FAH: variants seen among roughly 807,000 people sequenced by gnomAD.
FAH encodes the protein fumarylacetoacetate hydrolase, also known as fumarylacetoacetase.
A neutral mutation model predicts 55.8 loss-of-function variants in FAH; 47 were observed. The ratio of observed to expected loss-of-function variants is 0.84; its 90% CI spans 0.67 to 1.07. FAH has a LOEUF of 1.07. Among genes scored for constraint, FAH ranks in the 50% least tolerant of loss-of-function variants. The pLI is 0.00. For missense variants in FAH, 495 were observed against 545.9 expected (o/e 0.91, Z 0.93); for synonymous variants, 199 against 207.7 (o/e 0.96, Z 0.36).
At chr15:80,168,963 A>G (rs1487770688) in intron 7 of FAH, among the ~76,000 whole-genome samples, 1 of 152,244 alleles carries the variant, frequency 6.6e-6, no homozygotes, top group African/African-American at 2.4e-5. Flanking sequence ...AAAACAGGCT[A>G]TATAGTTAGG....
chr15:80,167,120 A>T (rs2041198730), intron 5 of FAH: 1 of 150,538 alleles, frequency 6.6e-6, no homozygotes, highest in South Asian at 2.1e-4. Context: ...ATCCATCTGG[A>T]TTTCCTTTTA....
At chr15:80,185,325 G>A (rs947723684) in intron 13 of FAH, among the ~76,000 whole-genome samples, 4 of 152,190 alleles carry the variant, frequency 2.6e-5, no homozygotes, top group Non-Finnish European at 5.9e-5. Flanking sequence ...CAGCAGTCCT[G>A]TGCGGTGGGC....
intron 1 of FAH, chr15:80,156,122 T>C: frequency 3.5e-6 from 1 of 287,562 alleles, no homozygotes; most frequent in Non-Finnish European, 6.8e-6. Flanking sequence ...CCTTTTGCGG[T>C]CTGCTAAGTA....
chr15:80,172,954 G>T lies in FAH; in HGVS notation c.707-60G>T, dbSNP rs1160397646. The stretch of plus-strand genomic sequence containing the variant: ...TGCTCCTTGGTCAAGGGCAGGAGGG[G>T]GTCGTTGGGAGATGCCCTGATCAGC... On this transcript the variant is annotated intron_variant, in intron 8 of 13. Coordinates refer to ENST00000561421, the MANE Select transcript of FAH (RefSeq NM_000137.4). 4 of 1,612,804 alleles carry T rather than the reference G, an allele frequency of 2.5e-6. No individual in the cohort carries two copies. The Admixed American group carries it at 6.7e-5, about 27-fold the overall frequency.
chr15:80,160,184 G>A lies in FAH; in HGVS notation c.315-226G>A, dbSNP rs1162569370. 16 of 644,804 alleles carry A rather than the reference G, an allele frequency of 2.5e-5. 1 individual carries two copies. Among genetic ancestry groups the A allele is most frequent in the Middle Eastern group, 4.1e-4 (1 of 2,422 alleles). The allele number at this position is 644,804 out of a possible 1,614,324, so 39.9% of individuals were successfully genotyped here. A position where few individuals can be genotyped will look rare whatever the true frequency, so the allele number is the denominator to read the frequency against. ...CATCTGGTTTCTAGAGTAGGAAAGA[G>A]TTTCCACTTGTCTAGTCCCATTTCC... On this transcript the variant is annotated intron_variant, in intron 3 of 13. Transcript: ENST00000561421.
chr15:80,174,155 G>A (rs139511839), intron 9 of FAH, among the ~76,000 whole-genome samples: 31 of 152,124 alleles, frequency 2.0e-4, no homozygotes, highest in African/African-American at 1.7e-4. Context: ...ATTTTCAGTC[G>A]CCAGGACTTG....
intron 5 of FAH, among the ~76,000 whole-genome samples, chr15:80,164,301 A>C (rs752665597): frequency 1.3e-5 from 2 of 151,942 alleles, no homozygotes; most frequent in Non-Finnish European, 2.9e-5. Flanking sequence ...TATCACTCCA[A>C]CCACTTGCTT....
At position 80,186,143 on chromosome 15, in the gene FAH, G is replaced by A. The variant is rs780323996; in HGVS notation, c.1194G>A (p.Gly398=). The A allele has an allele frequency of 8.7e-6, 14 of 1,614,002 alleles. No individual in the cohort carries two copies. The highest frequency in any genetic ancestry group is 1.2e-5 in the Non-Finnish European group (14 of 1,179,958). Reference sequence around the variant, plus strand: ...CCTCTGTTCCAGGGTACTGCCAGGGGGATGGTTACCGCATCGGCTTTGGCC... The same window carrying A: ...CCTCTGTTCCAGGGTACTGCCAGGGAGATGGTTACCGCATCGGCTTTGGCC... The part of the protein sequence containing the change: ...DEVIITGYCQ[G]DGYRIGFGQC... Residue 398 remains glycine (G), a synonymous_variant, in exon 14 of 14, where the codon GGG becomes GGA. Transcript: ENST00000561421.
chr15:80,179,826 G>A (rs1304788117), intron 11 of FAH, among the ~76,000 whole-genome samples: 1 of 152,208 alleles, frequency 6.6e-6, no homozygotes, highest in Non-Finnish European at 1.5e-5. Flanking sequence ...GAGCAGTAAG[G>A]TCAGCCCTTA....
chr15:80,178,721 C>T (rs2041305011), intron 11 of FAH, among the ~76,000 whole-genome samples: 1 of 151,744 alleles, frequency 6.6e-6, no homozygotes, highest in African/African-American at 2.4e-5. Flanking sequence ...GTAGCTGGGA[C>T]TACAGGTGCC....
At position 80,160,350 on chromosome 15, in the gene FAH, G is replaced by A. The variant is rs557087698; in HGVS notation, c.315-60G>A. On this transcript the variant is annotated intron_variant, in intron 3 of 13. Transcript: ENST00000561421. The stretch of plus-strand genomic sequence containing the variant: ...CTTGGGGATGGTCTGGGCTGAGCCC[G>A]TGGGTGGGACCGCGCTTTGCTGCCT... The A allele has an allele frequency of 2.1e-4, 323 of 1,550,142 alleles. 1 individual carries two copies. The highest frequency in any genetic ancestry group is 1.2e-3 in the African/African-American group (85 of 73,776).
Position 80,164,140 on chromosome 15 carries a change from C to T in FAH, c.455+1804C>T, listed in dbSNP as rs529087406. ...ACACAAATATATTCTCTTCTAGTTC[C>T]GGAGGCCAGAAGTCAAAAATCAGTC... is the stretch of plus-strand genomic sequence containing the variant. On this transcript the variant is annotated intron_variant, in intron 5 of 13. Coordinates refer to ENST00000561421, the MANE Select transcript of FAH (RefSeq NM_000137.4). 1.2e-4 allele frequency among the ~76,000 whole-genome samples: 18 copies of T among 152,316 alleles called. No homozygotes were observed. The East Asian group carries it at 3.3e-3, about 28-fold the overall frequency.
chr15:80,153,184 AG>A, intron 1 of FAH, 49 bp downstream of exon 1: 1 of 1,025,238 alleles, frequency 9.8e-7, no homozygotes, highest in Non-Finnish European at 1.4e-6. Context: ...AGTGGAGTGG[AG>A]TGGAGTGGAG....
At chr15:80,160,613 T>A in intron 4 of FAH, 154 bp downstream of exon 4, 1 of 744,094 alleles carries the variant, frequency 1.3e-6, no homozygotes, top group Non-Finnish European at 2.4e-6. Flanking sequence ...TCCTCATCAC[T>A]GACCTTTCCC....
intron 9 of FAH, among the ~76,000 whole-genome samples, chr15:80,174,679 C>T (rs963565643): frequency 1.3e-5 from 2 of 152,196 alleles, no homozygotes; most frequent in African/African-American, 4.8e-5. Context: ...CCTTTCCTCA[C>T]AGGCCAGGCT....
At chr15:80,153,817 G>T (rs112329706) in intron 1 of FAH, among the ~76,000 whole-genome samples, 88 of 152,268 alleles carry the variant, frequency 5.8e-4, no homozygotes, top group Admixed American at 1.8e-3. Context: ...ATAATAAGAG[G>T]TTCCCTAGGT....
At position 80,173,108 on chromosome 15, in the gene FAH, T is replaced by C. The variant is rs1342383488; in HGVS notation, c.801T>C (p.Asp267=). 3.7e-6 allele frequency: 6 copies of C among 1,614,192 alleles called. No individual in the cohort carries two copies. The highest frequency in any genetic ancestry group is 5.1e-6 in the Non-Finnish European group (6 of 1,180,028). The change falls in exon 9 of 14, where the codon GAT becomes GAC. Residue 267 remains aspartate (D), a synonymous_variant. Coordinates refer to ENST00000561421, the MANE Select transcript of FAH (RefSeq NM_000137.4). ...TCTCTCCGTGGGTGGTGCCCATGGA[T>C]GCTCTCATGCCCTTTGCTGTGCCCA... is the stretch of plus-strand genomic sequence containing the variant. ...TTVSPWVVPM[D]ALMPFAVPNP...
intron 4 of FAH, among the ~76,000 whole-genome samples, chr15:80,161,186 TG>T (rs1226045730): frequency 1.3e-5 from 2 of 152,072 alleles, no homozygotes; most frequent in Non-Finnish European, 2.9e-5. Flanking sequence ...CATGGGACTG[TG>T]CTATGTTTTG....
chr15:80,169,777 C>T (rs910696931), intron 7 of FAH, among the ~76,000 whole-genome samples: 2 of 152,194 alleles, frequency 1.3e-5, no homozygotes. Flanking sequence ...TCGTGATCCA[C>T]CTGCCTCGGC....
Sources: gnomAD v4.1 joint callset for allele counts (sites outside exome capture counted in the v4.1 genomes callset) on GRCh38, gnomAD v4.1.1 for gene constraint, MANE v1.5 for transcripts, NCBI Gene and HGNC (gene_info 2026-07-23, HGNC 2026-07-21) for gene names.